RTN1: variants seen among roughly 807,000 people sequenced by gnomAD.
The protein encoded by RTN1 is reticulon 1.
RTN1 carries 25 observed loss-of-function variants against 65.5 expected under a neutral mutation model. The observed-to-expected ratio is 0.38, with a 90% CI of 0.28 to 0.53. RTN1 has a LOEUF of 0.53. Ranked by LOEUF, RTN1 falls within the 20% of genes least tolerant of loss-of-function variation. The pLI, the probability that RTN1 is intolerant of heterozygous loss-of-function variation, is 0.79. For missense variants in RTN1, 983 were observed against 1,025.4 expected (o/e 0.96, Z 0.57); for synonymous variants, 471 against 447.6 (o/e 1.05, Z -0.66).
intron 4 of RTN1, chr14:59,606,102 T>TGATA (rs1358699597): frequency 1.9e-5 from 1 of 51,712 alleles, no homozygotes; most frequent in African/African-American, 1.1e-4. Context: ...GGGAAAAACA[T>TGATA]GATATATATA....
intron 3 of RTN1, among the ~76,000 whole-genome samples, chr14:59,685,948 G>T (rs186286370): frequency 8.6e-4 from 131 of 152,316 alleles, no homozygotes; most frequent in Non-Finnish European, 1.6e-3. Context: ...AACCAAAACT[G>T]CATGGTACTG....
At chr14:59,733,083 T>TTC (rs982796167) in intron 2 of RTN1, among the ~76,000 whole-genome samples, 8 of 149,894 alleles carry the variant, frequency 5.3e-5, no homozygotes, top group African/African-American at 1.8e-4. Context: ...AGACTGCTTT[T>TTC]TTTTTTTTTC....
intron 2 of RTN1, among the ~76,000 whole-genome samples, chr14:59,740,304 C>A (rs1885091734): frequency 6.6e-6 from 1 of 152,112 alleles, no homozygotes; most frequent in African/African-American, 2.4e-5. Flanking sequence ...TCAAAACTGC[C>A]CTCAGAAATT....
intron 1 of RTN1, among the ~76,000 whole-genome samples, chr14:59,779,857 C>A (rs2139572697): frequency 6.6e-6 from 1 of 152,228 alleles, no homozygotes; most frequent in East Asian, 1.9e-4. Flanking sequence ...CCCCCCACTT[C>A]CACCCTGCAG....
intron 8 of RTN1, among the ~76,000 whole-genome samples, chr14:59,600,626 G>A (rs1328798200): frequency 1.3e-5 from 2 of 152,066 alleles, no homozygotes; most frequent in Admixed American, 6.6e-5. Flanking sequence ...AAAATGTAGT[G>A]CCAGGCAAAA....
intron 3 of RTN1, among the ~76,000 whole-genome samples, chr14:59,694,297 T>C (rs1049661752): frequency 6.6e-5 from 10 of 152,136 alleles, no homozygotes; most frequent in Non-Finnish European, 1.3e-4. Flanking sequence ...AGATTACCCA[T>C]CTGGAAGTAA....
chr14:59,744,974 G>A (rs376767121), intron 2 of RTN1, among the ~76,000 whole-genome samples: 19 of 152,278 alleles, frequency 1.2e-4, no homozygotes, highest in South Asian at 4.1e-4. Flanking sequence ...TATGGACTAC[G>A]AAATATTGAA....
chr14:59,630,410 C>A (rs774074145), intron 3 of RTN1: 3 of 1,612,234 alleles, frequency 1.9e-6, no homozygotes, highest in East Asian at 4.5e-5. Flanking sequence ...GTTTCCCGTG[C>A]GCCTCAGGCA....
chr14:59,749,566 TAGA>T (rs1238133403), intron 1 of RTN1, among the ~76,000 whole-genome samples: 12 of 42,808 alleles, frequency 2.8e-4, no homozygotes, highest in African/African-American at 2.7e-3. Flanking sequence ...TATCTATATA[TAGA>T]TATATATATA....
At chr14:59,659,523 C>G (rs994066153) in intron 3 of RTN1, among the ~76,000 whole-genome samples, 2 of 152,198 alleles carry the variant, frequency 1.3e-5, no homozygotes, top group African/African-American at 4.8e-5. Flanking sequence ...GGAAGCCCAT[C>G]AGACTAGCAG....
chr14:59,639,877 G>C (rs2140191043), intron 3 of RTN1, among the ~76,000 whole-genome samples: 1 of 152,082 alleles, frequency 6.6e-6, no homozygotes, highest in East Asian at 1.9e-4. Flanking sequence ...AACCTCACAT[G>C]GCTTCTATGT....
chr14:59,625,148 A>C (rs563631628), intron 3 of RTN1, among the ~76,000 whole-genome samples: 4 of 152,202 alleles, frequency 2.6e-5, no homozygotes, highest in Non-Finnish European at 5.9e-5. Flanking sequence ...CCTGGTAACT[A>C]TAATGGACGA....
chr14:59,847,780 C>T (rs12891198), intron 1 of RTN1, among the ~76,000 whole-genome samples: 33,652 of 152,036 alleles, frequency 0.22, 4,197 homozygotes, highest in East Asian at 0.56. Flanking sequence ...TGATGGAGAA[C>T]GCCCTGCTTC....
At chr14:59,782,857 A>G (rs1886182601) in intron 1 of RTN1, among the ~76,000 whole-genome samples, 1 of 152,072 alleles carries the variant, frequency 6.6e-6, no homozygotes, top group Non-Finnish European at 1.5e-5. Context: ...TTTGAGAATG[A>G]TTATTTAAAG....
intron 3 of RTN1, among the ~76,000 whole-genome samples, chr14:59,626,277 T>C (rs1017022603): frequency 6.6e-6 from 1 of 152,244 alleles, no homozygotes; most frequent in Non-Finnish European, 1.5e-5. Flanking sequence ...ACGAACACTG[T>C]AGACCAGCAT....
intron 1 of RTN1, among the ~76,000 whole-genome samples, chr14:59,750,800 A>C (rs1455464437): frequency 1.5e-5 from 2 of 131,228 alleles, no homozygotes; most frequent in African/African-American, 5.9e-5. Flanking sequence ...CTGCAGCCTC[A>C]ACCTATAGGC....
At chr14:59,835,399 C>A in intron 1 of RTN1, among the ~76,000 whole-genome samples, 1 of 152,096 alleles carries the variant, frequency 6.6e-6, no homozygotes, top group East Asian at 1.9e-4. Flanking sequence ...AATGATTTCA[C>A]AGGTCTGTAC....
chr14:59,801,289 A>T (rs1002040062), intron 1 of RTN1, among the ~76,000 whole-genome samples: 2 of 152,184 alleles, frequency 1.3e-5, no homozygotes, highest in East Asian at 3.9e-4. Context: ...TTAAACCAAT[A>T]TGTCTAGATA....
chr14:59,696,024 A>G (rs1391361744), intron 3 of RTN1, among the ~76,000 whole-genome samples: 1 of 152,048 alleles, frequency 6.6e-6, no homozygotes, highest in Non-Finnish European at 1.5e-5. Context: ...TTATGTTTTT[A>G]GGGCCCTCAT....
Sources: allele counts gnomAD v4.1 joint callset (sites outside exome capture counted in the v4.1 genomes callset), GRCh38; gene constraint gnomAD v4.1.1; transcripts MANE v1.5; gene names NCBI Gene and HGNC (gene_info 2026-07-23, HGNC 2026-07-21).